IPO8: variants seen among roughly 807,000 people sequenced by gnomAD.
IPO8 encodes importin-8.
In IPO8, 65 loss-of-function variants were observed where a neutral mutation model predicts 141.2. The ratio of observed to expected loss-of-function variants is 0.46; its 90% CI spans 0.38 to 0.57. The LOEUF is 0.57. Among genes scored for constraint, IPO8 ranks in the 20% least tolerant of loss-of-function variants. The pLI is 0.00. For missense variants in IPO8, 980 were observed against 1,246.8 expected (o/e 0.79, Z 3.22); for synonymous variants, 411 against 420.3 (o/e 0.98, Z 0.27).
At chr12:30,687,499 G>A (rs772319060) in intron 2 of IPO8, among the ~76,000 whole-genome samples, 14 of 151,874 alleles carry the variant, frequency 9.2e-5, no homozygotes, top group Non-Finnish European at 1.6e-4. Flanking sequence ...AGAAAGTACT[G>A]TTATCTCGGT....
chr12:30,670,008 C>A (rs956988156), intron 9 of IPO8, among the ~76,000 whole-genome samples: 4 of 152,182 alleles, frequency 2.6e-5, no homozygotes, highest in African/African-American at 9.7e-5. Context: ...TCAGCGTTTT[C>A]TTATTCCTAC....
chr12:30,675,321 A>G (rs941479950), intron 6 of IPO8, among the ~76,000 whole-genome samples: 1 of 152,246 alleles, frequency 6.6e-6, no homozygotes, highest in Non-Finnish European at 1.5e-5. Context: ...GTGTGTACCC[A>G]TAACAGGCAT....
rs1230434924 is a variant in IPO8, at chr12:30,661,346, T to G, written c.1756-80A>C. The stretch of plus-strand genomic sequence containing the variant: ...TTTACAAAAGTTAGCAAAATGGCAG[T>G]GTCACACATCTGAAGTCTGCATTGC... On this transcript the variant is annotated intron_variant, in intron 15 of 24. Coordinates refer to ENST00000256079, the MANE Select transcript of IPO8 (RefSeq NM_006390.4). 3.0e-6 allele frequency: 4 copies of G among 1,339,208 alleles called. No individual in the cohort carries two copies. In the African/African-American group the frequency reaches 6.0e-5, roughly 20 times the overall value. 83.0% of individuals were successfully genotyped at this position (1,339,208 alleles called of 1,614,324 possible). A position where few individuals can be genotyped will look rare whatever the true frequency, so the allele number is the denominator to read the frequency against.
intron 20 of IPO8, among the ~76,000 whole-genome samples, chr12:30,647,833 T>C (rs2136135916): frequency 6.6e-6 from 1 of 152,238 alleles, no homozygotes; most frequent in Admixed American, 6.5e-5. Flanking sequence ...ATGATCCGAT[T>C]AGACATTTCT....
intron 13 of IPO8, among the ~76,000 whole-genome samples, chr12:30,664,515 A>T (rs1270600122): frequency 1.3e-5 from 2 of 152,210 alleles, no homozygotes; most frequent in African/African-American, 4.8e-5. Context: ...ATGGATTATT[A>T]ATCTCTCCAT....
chr12:30,640,638 A>G (rs2052563281), intron 20 of IPO8, among the ~76,000 whole-genome samples: 1 of 152,176 alleles, frequency 6.6e-6, no homozygotes, highest in Non-Finnish European at 1.5e-5. Flanking sequence ...CATATAAGCT[A>G]TGTTAAAAAT....
intron 21 of IPO8, 84 bp downstream of exon 21, chr12:30,639,431 C>T: frequency 1.2e-6 from 1 of 813,670 alleles, no homozygotes; most frequent in Non-Finnish European, 2.0e-6. Flanking sequence ...TGAAAATTAT[C>T]TTTGTACATG....
chr12:30,649,148 C>T lies in IPO8; in HGVS notation c.2257G>A (p.Gly753Arg). The T allele has an allele frequency of 6.2e-7, 1 of 1,611,116 alleles. No homozygotes were observed. The highest frequency in any genetic ancestry group is 8.5e-7 in the Non-Finnish European group (1 of 1,177,546). ...EVIILQCKGR[G>R]IDQCIPLFVQ... ...CAGACATATATTACCTGATCAATTC[C>T]CCTTCCTTTGCACTGAAGAATGATG... is the stretch of plus-strand genomic sequence containing the variant. The change falls in exon 20 of 25, where the codon GGA becomes AGA. Residue 753 changes from glycine (G) to arginine (R), a missense_variant. By Grantham distance (125) the Gly-to-Arg change is moderately radical. Transcript: ENST00000256079.
rs1482531265 is a variant in IPO8 at position 30,661,238 on chromosome 12, C to A, written c.1784G>T (p.Ser595Ile). The A allele has an allele frequency of 1.9e-6, 3 of 1,593,872 alleles. No homozygotes were observed. Among genetic ancestry groups the A allele is most frequent in the Non-Finnish European group, 2.6e-6 (3 of 1,171,538 alleles). ...GTCTTCAACTTCTTCATATTCATCA[C>A]TTTGAAGAACTTTGCCAAATATCTC... ...LAEIFGKVLQSDEYEEVEDKT... is the reference protein window; with the variant it reads ...LAEIFGKVLQIDEYEEVEDKT... The change falls in exon 16 of 25, where the codon AGT becomes ATT. Residue 595 changes from serine (S) to isoleucine (I), a missense_variant. Ser to Ile is a moderately radical substitution (Grantham distance 142). Coordinates refer to ENST00000256079, the MANE Select transcript of IPO8 (RefSeq NM_006390.4).
At chr12:30,675,858 GGAAAA>G (rs1023284021) in intron 6 of IPO8, among the ~76,000 whole-genome samples, 2 of 147,260 alleles carry the variant, frequency 1.4e-5, no homozygotes, top group African/African-American at 2.5e-5. Context: ...AAAAAAAAAA[GGAAAA>G]GAAAAGAAAA....
chr12:30,677,265 C>T (rs2053134628), intron 5 of IPO8: 2 of 399,830 alleles, frequency 5.0e-6, no homozygotes, highest in Non-Finnish European at 9.8e-6. Flanking sequence ...GATTAGAACA[C>T]AGCTGAAAGA....
intron 20 of IPO8, 103 bp downstream of exon 20, chr12:30,649,034 G>A (rs1565496743): frequency 2.6e-6 from 2 of 762,126 alleles, no homozygotes; most frequent in Non-Finnish European, 4.4e-6. Flanking sequence ...ACAATCTATA[G>A]GCTGTCCTTT....
At chr12:30,675,938 T>G (rs2053114972) in intron 6 of IPO8, among the ~76,000 whole-genome samples, 1 of 152,120 alleles carries the variant, frequency 6.6e-6, no homozygotes, top group Non-Finnish European at 1.5e-5. Context: ...AAACTGAATT[T>G]CAAAATATTA....
intron 19 of IPO8, among the ~76,000 whole-genome samples, chr12:30,651,075 T>C (rs926035279): frequency 1.3e-5 from 2 of 152,100 alleles, no homozygotes; most frequent in African/African-American, 4.8e-5. Flanking sequence ...ATTGTGAACA[T>C]CAATTTTACT....
intron 5 of IPO8, among the ~76,000 whole-genome samples, chr12:30,677,647 TG>T (rs2053139679): frequency 6.6e-6 from 1 of 152,114 alleles, no homozygotes; most frequent in Non-Finnish European, 1.5e-5. Context: ...ACAGTGATAT[TG>T]ATGATCCTGA....
At chr12:30,638,083 C>A (rs4143104) in intron 21 of IPO8, among the ~76,000 whole-genome samples, 1 of 151,854 alleles carries the variant, frequency 6.6e-6, no homozygotes, top group African/African-American at 2.4e-5. Flanking sequence ...ACATGCCACA[C>A]GGATCACAGC....
intron 20 of IPO8, 140 bp from the exon 21 acceptor site, chr12:30,639,875 T>C: frequency 1.6e-6 from 1 of 629,938 alleles, no homozygotes; most frequent in Non-Finnish European, 2.8e-6. Context: ...TTTAGAGGTA[T>C]TTAAAAGATT....
chr12:30,684,468 G>GA lies in IPO8; in HGVS notation c.167-12dup, dbSNP rs757156505. 1.2e-5 allele frequency: 20 copies of GA among 1,610,580 alleles called. No homozygotes were observed. In the Admixed American group the frequency reaches 2.7e-4, roughly 22 times the overall value. ...TCAGGTAAATGGCAGCTGAGTTTGA[G>GA]AAAAAATGCTAATGTAGCAGTACCA... On this transcript the variant is annotated splice_polypyrimidine_tract_variant and intron_variant, in intron 2 of 24. Coordinates refer to ENST00000256079, the MANE Select transcript of IPO8 (RefSeq NM_006390.4).
chr12:30,665,132 G>T, intron 13 of IPO8, 88 bp downstream of exon 13: 1 of 749,578 alleles, frequency 1.3e-6, no homozygotes, highest in Non-Finnish European at 2.2e-6. Context: ...TCAATATGTG[G>T]CAAAAGGTCA....
Sources: allele counts gnomAD v4.1 joint callset (sites outside exome capture counted in the v4.1 genomes callset), GRCh38; gene constraint gnomAD v4.1.1; transcripts MANE v1.5; gene names NCBI Gene and HGNC (gene_info 2026-07-23, HGNC 2026-07-21).